Variants in SMPDL3B observed in about 807,000 individuals in gnomAD.
SMPDL3B encodes the protein sphingomyelin phosphodiesterase acid like 3B.
Under a neutral mutation model 37.9 loss-of-function variants are expected in SMPDL3B, and 31 were observed. The observed-to-expected ratio is 0.82, with a 90% CI of 0.61 to 1.10. The LOEUF (loss-of-function observed/expected upper bound fraction) is 1.10. SMPDL3B is among the 50% of genes least tolerant of loss of function. The probability of loss-of-function intolerance (pLI) is 0.00; values close to 1 mark genes in which losing one functional copy is unlikely to be tolerated. For synonymous variants in SMPDL3B, 235 were observed against 242.6 expected (o/e 0.97, Z 0.29); for missense variants, 525 against 597.8 (o/e 0.88, Z 1.27).
intron 3 of SMPDL3B, among the ~76,000 whole-genome samples, chr1:27,951,245 C>T (rs1404562995): frequency 1.3e-5 from 2 of 152,144 alleles, no homozygotes; most frequent in Non-Finnish European, 2.9e-5. Context: ...GGCCACACCT[C>T]ACTTTTAGAG....
At chr1:27,943,395 G>T (rs1048691045) in intron 1 of SMPDL3B, among the ~76,000 whole-genome samples, 14 of 152,334 alleles carry the variant, frequency 9.2e-5, no homozygotes, top group Middle Eastern at 3.4e-3. Flanking sequence ...GCATCTGGGA[G>T]GGAAAGTCAA....
intron 1 of SMPDL3B, among the ~76,000 whole-genome samples, chr1:27,941,298 G>T (rs1046480222): frequency 6.6e-6 from 1 of 152,202 alleles, no homozygotes; most frequent in Non-Finnish European, 1.5e-5. Flanking sequence ...GCTTATCTAT[G>T]CAGTGGGCAT....
At chr1:27,948,235 T>C (rs539028565) in intron 2 of SMPDL3B, among the ~76,000 whole-genome samples, 1 of 152,204 alleles carries the variant, frequency 6.6e-6, no homozygotes, top group Non-Finnish European at 1.5e-5. Context: ...AAACTAATAA[T>C]AGAATTTACA....
At chr1:27,936,006 G>C (rs568386855) in intron 1 of SMPDL3B, among the ~76,000 whole-genome samples, 4 of 152,304 alleles carry the variant, frequency 2.6e-5, no homozygotes, top group South Asian at 4.1e-4. Context: ...CCAAATCATG[G>C]ATAGCCTCGA....
In SMPDL3B at chr1:27,949,087, G is replaced by A. The variant is rs145333269; in HGVS notation, c.298G>A (p.Asp100Asn). 5.8e-5 allele frequency: 94 copies of A among 1,614,168 alleles called. 1 individual carries two copies. The highest frequency in any genetic ancestry group is 4.0e-4 in the East Asian group (18 of 44,890). The part of the protein sequence containing the change: ...WTGDDTPHVP[D>N]EKLGEAAVLE... ...TAGTGATGACACGCCTCATGTGCCC[G>A]ATGAGAAACTGGGAGAGGCAGCTGT... Residue 100 changes from aspartate to asparagine, a missense_variant, in exon 3 of 8, where the codon GAT becomes AAT. Physicochemically the swap from Asp to Asn is conservative, Grantham distance 23. Transcript: ENST00000373894.
At chr1:27,944,731 CTT>C (rs796904879) in intron 1 of SMPDL3B, among the ~76,000 whole-genome samples, 26 of 137,648 alleles carry the variant, frequency 1.9e-4, no homozygotes, top group Non-Finnish European at 2.1e-4. Flanking sequence ...AGACTTTTTT[CTT>C]TTTTTTTTTT....
chr1:27,944,737 T>C (rs2090392263), intron 1 of SMPDL3B, among the ~76,000 whole-genome samples: 1 of 151,996 alleles, frequency 6.6e-6, no homozygotes, highest in African/African-American at 2.4e-5. Flanking sequence ...TTTTCTTTTT[T>C]TTTTTTTTTA....
In SMPDL3B at chr1:27,959,147, G is replaced by A. The variant is rs1014643990; in HGVS notation, c.*309G>A. 5.6e-5 allele frequency: 16 copies of A among 287,498 alleles called. 1 individual carries two copies. Among genetic ancestry groups the A allele is most frequent in the Non-Finnish European group, 8.7e-5 (13 of 149,502 alleles). The allele number at this position is 287,498 out of a possible 1,614,324, so 17.8% of individuals were successfully genotyped here. ...ACTCACAAAACAAAGCTCATCATGC[G>A]TTTGATTCTGTGTTGTGTTCCTTTT... On this transcript the variant is annotated 3_prime_UTR_variant, in exon 8 of 8. Transcript: ENST00000373894.
chr1:27,954,151 A>T lies in SMPDL3B; in HGVS notation c.518-203A>T, dbSNP rs546862267. Among the ~76,000 whole-genome samples, 8 of 152,378 alleles carry T rather than the reference A, an allele frequency of 5.3e-5. No homozygotes were observed. In the East Asian group the frequency reaches 1.5e-3, roughly 29 times the overall value. On this transcript the variant is annotated intron_variant, in intron 4 of 7. Coordinates refer to ENST00000373894, the MANE Select transcript of SMPDL3B (RefSeq NM_014474.4). The stretch of plus-strand genomic sequence containing the variant: ...GTGAAGTTACTTTCCCAAGTTGCAC[A>T]GCGAATGAGTTCCAGAGCCAGGAAT...
rs147706312 is a variant in SMPDL3B at position 27,939,064 on chromosome 1, C to T, written c.61+3820C>T. On this transcript the variant is annotated intron_variant, in intron 1 of 7. Coordinates refer to ENST00000373894, the MANE Select transcript of SMPDL3B (RefSeq NM_014474.4). ...CGGCATCCCCGGTCTGCCGCTCACT[C>T]GCTCAGTTTCCTCATCTGTAAAATG... The T allele has an allele frequency of 5.2e-3, 791 of 152,312 alleles. 2 individuals are homozygous for T. The highest frequency in any genetic ancestry group is 9.3e-3 in the Non-Finnish European group (633 of 68,044). 9.4% of individuals were successfully genotyped at this position (152,312 alleles called of 1,614,324 possible). A position where few individuals can be genotyped will look rare whatever the true frequency, so the allele number is the denominator to read the frequency against.
chr1:27,957,314 TAG>T (rs989068330), intron 7 of SMPDL3B, among the ~76,000 whole-genome samples: 46 of 152,150 alleles, frequency 3.0e-4, no homozygotes, highest in Admixed American at 2.7e-3. Flanking sequence ...CAGGATTTGC[TAG>T]AGTGGATATG....
intron 1 of SMPDL3B, among the ~76,000 whole-genome samples, chr1:27,943,426 G>T (rs1327198751): frequency 6.6e-6 from 1 of 152,178 alleles, no homozygotes; most frequent in Non-Finnish European, 1.5e-5. Context: ...TCAGGGGCCA[G>T]CCTTTATCTG....
chr1:27,948,854 C>G, intron 2 of SMPDL3B: 1 of 784,640 alleles, frequency 1.3e-6, no homozygotes, highest in Non-Finnish European at 2.1e-6. Context: ...AGAGGTTAAA[C>G]AGCCAATCAA....
At chr1:27,938,318 GC>G (rs1455410054) in intron 1 of SMPDL3B, among the ~76,000 whole-genome samples, 1 of 152,210 alleles carries the variant, frequency 6.6e-6, no homozygotes, top group African/African-American at 2.4e-5. Flanking sequence ...CTAAGGCTCA[GC>G]TCTGAAAATC....
In SMPDL3B at chr1:27,958,526, G is replaced by A. The variant is rs143604457; in HGVS notation, c.1056G>A (p.Thr352=). Residue 352 remains threonine, a synonymous_variant, in exon 8 of 8, where the codon ACG becomes ACA. Transcript: ENST00000373894. The surrounding 1 kb of genome is among the most constrained non-coding windows in gnomAD (Gnocchi z 5.6). The part of the protein sequence containing the change: ...MNLSQANAQG[T]PRWELEYQLT... ...TGAGCCAGGCGAATGCTCAGGGGAC[G>A]CCGCGCTGGGAGCTCGAGTACCAGC... The A allele has an allele frequency of 8.7e-5, 140 of 1,613,430 alleles. No individual in the cohort carries two copies. Among genetic ancestry groups the A allele is most frequent in the Non-Finnish European group, 1.1e-4 (135 of 1,179,692 alleles).
chr1:27,949,000 CCCTT>C, intron 2 of SMPDL3B, 61 bp from the exon 3 acceptor site: 1 of 1,611,340 alleles, frequency 6.2e-7, no homozygotes. Context: ...GCAGAGCTGT[CCCTT>C]CCTTTTCTTC....
chr1:27,959,088 C>T lies in SMPDL3B; in HGVS notation c.*250C>T. 1.9e-6 allele frequency: 1 copy of T among 515,462 alleles called. No individual in the cohort carries two copies. The highest frequency in any genetic ancestry group is 3.5e-6 in the Non-Finnish European group (1 of 286,972). The allele number at this position is 515,462 out of a possible 1,614,324, so 31.9% of individuals were successfully genotyped here. A position where few individuals can be genotyped will look rare whatever the true frequency, so the allele number is the denominator to read the frequency against. On this transcript the variant is annotated 3_prime_UTR_variant, in exon 8 of 8. Coordinates refer to ENST00000373894, the MANE Select transcript of SMPDL3B (RefSeq NM_014474.4). ...AAAAGAAATGACGACCCAAGACCCC[C>T]CTACAAGCATACTTCTTTTGCGTAT...
Position 27,958,976 on chromosome 1 carries a change from C to G in SMPDL3B, c.*138C>G. On this transcript the variant is annotated 3_prime_UTR_variant, in exon 8 of 8. Coordinates refer to ENST00000373894, the MANE Select transcript of SMPDL3B (RefSeq NM_014474.4). This position sits in a 1 kb window ranked among gnomAD's most constrained non-coding sequence, Gnocchi z 5.6. ...ACAACCGAATCAGGAAGCGAAGCCC[C>G]AGGAGCTGCAGCCATCCGTGATCGC... The G allele has an allele frequency of 1.9e-6, 2 of 1,060,584 alleles. No individual in the cohort carries two copies. The highest frequency in any genetic ancestry group is 2.6e-6 in the Non-Finnish European group (2 of 758,902). 65.7% of individuals were successfully genotyped at this position (1,060,584 alleles called of 1,614,324 possible). A position where few individuals can be genotyped will look rare whatever the true frequency, so the allele number is the denominator to read the frequency against.
chr1:27,935,751 G>C (rs188376811), intron 1 of SMPDL3B, among the ~76,000 whole-genome samples: 241 of 152,284 alleles, frequency 1.6e-3, no homozygotes, highest in African/African-American at 5.0e-3. Flanking sequence ...TGTGGGGAGG[G>C]GGTACTTACA....
Sources: gnomAD v4.1 joint callset for allele counts (sites outside exome capture counted in the v4.1 genomes callset) on GRCh38, gnomAD v4.1.1 for gene constraint, Gnocchi (gnomAD v3.1) non-coding constraint, MANE v1.5 for transcripts, NCBI Gene and HGNC (gene_info 2026-07-23, HGNC 2026-07-21) for gene names.